Variants in BMPR1B observed in about 807,000 individuals in gnomAD.
BMPR1B encodes the protein bone morphogenetic protein receptor type 1B, also known as bone morphogenetic protein receptor type-1B.
Under a neutral mutation model 59.1 loss-of-function variants are expected in BMPR1B, and 12 were observed. That is an observed-to-expected ratio of 0.20 (90% CI 0.13 to 0.33). The LOEUF is 0.33. Ranked by LOEUF, BMPR1B falls within the 10% of genes least tolerant of loss-of-function variation. The pLI is 1.00. For synonymous variants in BMPR1B, 237 were observed against 207.3 expected, an observed-to-expected ratio of 1.14 and a Z score of -1.23; for missense variants, 550 against 610.9, an observed-to-expected ratio of 0.90 and a Z score of 1.05.
intron 1 of BMPR1B, among the ~76,000 whole-genome samples, chr4:94,781,073 T>A (rs746904289): frequency 3.3e-5 from 5 of 152,208 alleles, no homozygotes; most frequent in Non-Finnish European, 7.3e-5. Flanking sequence ...TTCTGATGGC[T>A]AATGATATCA....
At chr4:94,812,556 G>A (rs1055502795) in intron 1 of BMPR1B, among the ~76,000 whole-genome samples, 1 of 152,194 alleles carries the variant, frequency 6.6e-6, no homozygotes, top group Non-Finnish European at 1.5e-5. Context: ...GCACTGGGAA[G>A]CTATGCAGGG....
intron 1 of BMPR1B, among the ~76,000 whole-genome samples, chr4:94,790,096 T>C (rs749251839): frequency 3.3e-5 from 5 of 152,190 alleles, no homozygotes; most frequent in African/African-American, 4.8e-5. Context: ...ACATACACCA[T>C]ATAAAGTATG....
At chr4:94,813,582 A>G (rs1397423418) in intron 1 of BMPR1B, among the ~76,000 whole-genome samples, 1 of 152,140 alleles carries the variant, frequency 6.6e-6, no homozygotes, top group Non-Finnish European at 1.5e-5. Flanking sequence ...GTCAGGCTCG[A>G]TCTTGGCATT....
At position 94,924,385 on chromosome 4, in the gene BMPR1B, A is replaced by G. The variant is rs17022607; in HGVS notation, c.-113+48485A>G. ...ACTTGGAGTAGTTGGAGAACCTATT[A>G]GGATACCTAGTCTACTACTCCCTGA... On this transcript the variant is annotated intron_variant, in intron 2 of 12. Transcript: ENST00000515059. 3.1e-3 allele frequency among the ~76,000 whole-genome samples: 467 copies of G among 152,236 alleles called. 3 individuals carry two copies. Among genetic ancestry groups the G allele is most frequent in the African/African-American group, 0.011 (446 of 41,564 alleles).
At chr4:95,123,684 G>C (rs759902459) in intron 6 of BMPR1B, 126 bp from the exon 7 acceptor site, 6 of 736,130 alleles carry the variant, frequency 8.2e-6, no homozygotes, top group Non-Finnish European at 1.4e-5. Context: ...AAATTAATTG[G>C]TATGTGAAAA....
At chr4:95,013,984 G>GAT (rs1723401346) in intron 3 of BMPR1B, among the ~76,000 whole-genome samples, 1 of 152,144 alleles carries the variant, frequency 6.6e-6, no homozygotes, top group South Asian at 2.1e-4. Context: ...GTGGTTTCTT[G>GAT]ATACAGTGTT....
chr4:94,998,897 TTCTC>T (rs1251635811), intron 3 of BMPR1B, among the ~76,000 whole-genome samples: 1 of 152,224 alleles, frequency 6.6e-6, no homozygotes, highest in Non-Finnish European at 1.5e-5. Flanking sequence ...ATATTCCCCT[TTCTC>T]TCCATTTTAT....
At chr4:94,898,081 G>A (rs1478668192) in intron 2 of BMPR1B, among the ~76,000 whole-genome samples, 1 of 150,878 alleles carries the variant, frequency 6.6e-6, no homozygotes, top group Non-Finnish European at 1.5e-5. Flanking sequence ...TGAATAGCTG[G>A]GACTACACGT....
chr4:95,007,067 A>C (rs1406953731), intron 3 of BMPR1B, among the ~76,000 whole-genome samples: 1 of 152,144 alleles, frequency 6.6e-6, no homozygotes, highest in Admixed American at 6.6e-5. Flanking sequence ...ATTAATTTTA[A>C]TATATTATTC....
chr4:95,007,756 G>A (rs559834950), intron 3 of BMPR1B, among the ~76,000 whole-genome samples: 238 of 152,264 alleles, frequency 1.6e-3, no homozygotes, highest in African/African-American at 5.4e-3. Context: ...GAAAAGCTAA[G>A]TGTTTTGGCC....
At chr4:94,981,786 CA>C (rs1206491623) in intron 2 of BMPR1B, among the ~76,000 whole-genome samples, 1 of 152,126 alleles carries the variant, frequency 6.6e-6, no homozygotes, top group African/African-American at 2.4e-5. Flanking sequence ...TGTTTAAAAT[CA>C]TCATGTAAAC....
chr4:95,108,170 G>T (rs536622824), intron 4 of BMPR1B, among the ~76,000 whole-genome samples: 4 of 151,952 alleles, frequency 2.6e-5, no homozygotes, highest in Non-Finnish European at 4.4e-5. Flanking sequence ...ACATAAATTT[G>T]TTCCTTTAGA....
chr4:95,035,656 A>G (rs1274219100), intron 3 of BMPR1B, among the ~76,000 whole-genome samples: 1 of 152,170 alleles, frequency 6.6e-6, no homozygotes, highest in East Asian at 1.9e-4. Flanking sequence ...TTTTTATATC[A>G]GTACTACACT....
At chr4:94,931,850 C>G (rs910019250) in intron 2 of BMPR1B, among the ~76,000 whole-genome samples, 2 of 151,942 alleles carry the variant, frequency 1.3e-5, no homozygotes, top group African/African-American at 2.4e-5. Context: ...GTGGCGTTTC[C>G]ATTGTCTGGT....
intron 1 of BMPR1B, among the ~76,000 whole-genome samples, chr4:94,773,133 A>C (rs1257729556): frequency 1.3e-5 from 2 of 152,092 alleles, no homozygotes; most frequent in African/African-American, 4.8e-5. Flanking sequence ...TTTTCGGAAG[A>C]GGAAGTCAAG....
chr4:94,840,835 C>T (rs192822186), intron 1 of BMPR1B, among the ~76,000 whole-genome samples: 32,234 of 147,186 alleles, frequency 0.22, 4,819 homozygotes, highest in African/African-American at 0.26. Context: ...GGAGGAGAGG[C>T]GCTCTGCTTT....
chr4:95,100,293 C>CTT (rs980179129), intron 3 of BMPR1B, among the ~76,000 whole-genome samples: 1 of 151,940 alleles, frequency 6.6e-6, no homozygotes, highest in African/African-American at 2.4e-5. Flanking sequence ...TATTAAAATG[C>CTT]TTTTTTTCCC....
chr4:95,098,589 A>G (rs1014433782), intron 3 of BMPR1B, among the ~76,000 whole-genome samples: 1 of 151,846 alleles, frequency 6.6e-6, no homozygotes, highest in Non-Finnish European at 1.5e-5. Flanking sequence ...GTTTTAGGGT[A>G]CATGTGCATC....
At chr4:94,890,947 A>T (rs958526299) in intron 2 of BMPR1B, among the ~76,000 whole-genome samples, 3 of 152,104 alleles carry the variant, frequency 2.0e-5, no homozygotes, top group African/African-American at 7.2e-5. Context: ...GAAAGGACCA[A>T]CATTGCATTT....
Sources: gnomAD v4.1 joint callset for allele counts (sites outside exome capture counted in the v4.1 genomes callset) on GRCh38, gnomAD v4.1.1 for gene constraint, MANE v1.5 for transcripts, NCBI Gene and HGNC (gene_info 2026-07-23, HGNC 2026-07-21) for gene names.